GHR: variants seen among roughly 807,000 people sequenced by gnomAD.
GHR encodes the protein GH receptor.
GHR carries 35 observed loss-of-function variants against 67.1 expected under a neutral mutation model. The observed-to-expected ratio is 0.52, with a 90% CI of 0.40 to 0.69. The LOEUF (loss-of-function observed/expected upper bound fraction) is 0.69, where lower values mean the gene tolerates loss of function less well. Ranked by LOEUF, GHR falls within the 30% of genes least tolerant of loss-of-function variation. The pLI is 0.00. For synonymous variants in GHR, 272 were observed against 269.1 expected, an observed-to-expected ratio of 1.01 and a Z score of -0.10; for missense variants, 792 against 764.6, an observed-to-expected ratio of 1.04 and a Z score of -0.42.
At chr5:42,604,521 G>T (rs1002354969) in intron 2 of GHR, among the ~76,000 whole-genome samples, 1 of 152,150 alleles carries the variant, frequency 6.6e-6, no homozygotes, top group Non-Finnish European at 1.5e-5. Flanking sequence ...TGTATTTTTA[G>T]TTTCTGTTGC....
chr5:42,445,022 T>C (rs538959389), intron 1 of GHR, among the ~76,000 whole-genome samples: 19 of 152,340 alleles, frequency 1.2e-4, no homozygotes, highest in African/African-American at 4.6e-4. Flanking sequence ...CAGTCCTCTG[T>C]AAACACTTGT....
chr5:42,634,521 G>GCACA (rs10684580), intron 3 of GHR, among the ~76,000 whole-genome samples: 37,987 of 148,768 alleles, frequency 0.26, 5,020 homozygotes, highest in African/African-American at 0.31. Context: ...ATTGAATTTT[G>GCACA]CACACACACA....
chr5:42,451,717 A>AC (rs1204194857), intron 1 of GHR, among the ~76,000 whole-genome samples: 1 of 151,684 alleles, frequency 6.6e-6, no homozygotes, highest in African/African-American at 2.4e-5. Flanking sequence ...AAAAAAAAAA[A>AC]AACCTACTCC....
At chr5:42,447,133 CTTAT>C (rs1743837480) in intron 1 of GHR, among the ~76,000 whole-genome samples, 1 of 152,124 alleles carries the variant, frequency 6.6e-6, no homozygotes, top group Middle Eastern at 3.2e-3. Context: ...TTTTGCTTTA[CTTAT>C]TTATTTTAAA....
At chr5:42,578,359 T>C (rs1296019807) in intron 2 of GHR, among the ~76,000 whole-genome samples, 1 of 152,218 alleles carries the variant, frequency 6.6e-6, no homozygotes, top group African/African-American at 2.4e-5. Flanking sequence ...CTAATACATA[T>C]AGTTACATTA....
chr5:42,559,840 A>G (rs1235034317), intron 1 of GHR, among the ~76,000 whole-genome samples: 1 of 152,228 alleles, frequency 6.6e-6, no homozygotes, highest in Non-Finnish European at 1.5e-5. Flanking sequence ...TGGTAACAAC[A>G]TGAACTCTGA....
intron 1 of GHR, among the ~76,000 whole-genome samples, chr5:42,443,056 G>C (rs900997690): frequency 6.6e-6 from 1 of 152,154 alleles, no homozygotes; most frequent in Non-Finnish European, 1.5e-5. Flanking sequence ...TTTTGGAGGG[G>C]CAACACTCCT....
At chr5:42,600,918 CTT>C (rs933355797) in intron 2 of GHR, among the ~76,000 whole-genome samples, 1,048 of 66,576 alleles carry the variant, frequency 0.016, 1 homozygote, top group African/African-American at 0.047. Context: ...TCTTTCTATT[CTT>C]TTTTTTTTTT....
intron 1 of GHR, among the ~76,000 whole-genome samples, chr5:42,448,259 A>AT (rs371153605): frequency 1.3e-5 from 2 of 151,836 alleles, no homozygotes; most frequent in East Asian, 3.9e-4. Flanking sequence ...AACATCTATT[A>AT]TTTTTTTATT....
At chr5:42,574,636 A>G (rs999967701) in intron 2 of GHR, among the ~76,000 whole-genome samples, 1 of 152,216 alleles carries the variant, frequency 6.6e-6, no homozygotes, top group Non-Finnish European at 1.5e-5. Context: ...TCTTACTTCT[A>G]TATTTGATTG....
intron 3 of GHR, among the ~76,000 whole-genome samples, chr5:42,650,589 ATATATATATATATG>A (rs1048524342): frequency 2.7e-5 from 4 of 146,702 alleles, no homozygotes; most frequent in African/African-American, 1.0e-4. Flanking sequence ...ATATATATAT[ATATATATATATATG>A]TATGTCTATG....
At position 42,563,171 on chromosome 5, in the gene GHR, A is replaced by G. The variant is rs146446629; in HGVS notation, c.-11-2693A>G. On this transcript the variant is annotated intron_variant, in intron 1 of 9. Transcript: ENST00000230882. ...ACATTCTTGCTCAGATGGGAAGCAG[A>G]AAAGGCTGCGTGGGAATTGGGGATT... is the stretch of plus-strand genomic sequence containing the variant. 4.8e-3 allele frequency among the ~76,000 whole-genome samples: 735 copies of G among 152,332 alleles called. 16 individuals are homozygous for G. The highest frequency in any genetic ancestry group is 3.2e-3 in the Non-Finnish European group (221 of 68,032).
intron 3 of GHR, among the ~76,000 whole-genome samples, chr5:42,660,102 C>T (rs374419813): frequency 5.1e-4 from 77 of 152,286 alleles, no homozygotes; most frequent in Admixed American, 2.2e-3. Context: ...ACAAAGCAGG[C>T]GGGAATCTCG....
intron 1 of GHR, among the ~76,000 whole-genome samples, chr5:42,440,474 A>G (rs192360341): frequency 2.6e-5 from 4 of 152,348 alleles, no homozygotes; most frequent in Admixed American, 6.5e-5. Flanking sequence ...AGTTCAAAGA[A>G]GGAGAAAGAA....
chr5:42,437,868 G>GAA (rs751739180), intron 1 of GHR, among the ~76,000 whole-genome samples: 3 of 118,540 alleles, frequency 2.5e-5, no homozygotes, highest in Admixed American at 8.8e-5. Flanking sequence ...CCTGTCTTCT[G>GAA]AAAAAAAAAA....
intron 2 of GHR, among the ~76,000 whole-genome samples, chr5:42,599,701 T>A (rs575663546): frequency 6.6e-6 from 1 of 152,272 alleles, no homozygotes; most frequent in Admixed American, 6.5e-5. Context: ...TGGTTATTTT[T>A]AAAAATTTGA....
intron 2 of GHR, among the ~76,000 whole-genome samples, chr5:42,626,107 G>T (rs1393636086): frequency 6.6e-6 from 1 of 152,082 alleles, no homozygotes; most frequent in Non-Finnish European, 1.5e-5. Flanking sequence ...TCCTCGGTGG[G>T]AATCTCTCCC....
chr5:42,451,126 T>C (rs575206853), intron 1 of GHR, among the ~76,000 whole-genome samples: 1 of 152,226 alleles, frequency 6.6e-6, no homozygotes, highest in Non-Finnish European at 1.5e-5. Flanking sequence ...GACTGTTCTG[T>C]AAGTACCTAT....
chr5:42,713,376 CTG>C (rs759963216), intron 7 of GHR, 51 bp from the exon 8 acceptor site: 62 of 827,102 alleles, frequency 7.5e-5, no homozygotes, highest in Non-Finnish European at 1.3e-4. Context: ...GAAATGTAAA[CTG>C]TGCTTCAACT....
Sources: gnomAD v4.1 joint callset for allele counts (sites outside exome capture counted in the v4.1 genomes callset) on GRCh38, gnomAD v4.1.1 for gene constraint, MANE v1.5 for transcripts, NCBI Gene and HGNC (gene_info 2026-07-23, HGNC 2026-07-21) for gene names.